The following EFCC1 variants were observed in gnomAD, a reference collection of about 807,000 sequenced individuals.
The protein encoded by EFCC1 is EF-hand and coiled-coil domain containing 1, also known as EF-hand and coiled-coil domain-containing protein 1.
A neutral mutation model predicts 52.1 loss-of-function variants in EFCC1; 50 were observed. The ratio of observed to expected loss-of-function variants is 0.96; its 90% CI spans 0.76 to 1.21. The LOEUF is 1.21. Ranked by LOEUF, EFCC1 falls within the 50% of genes most tolerant of loss-of-function variation. EFCC1 has a pLI of 0.00. For synonymous variants in EFCC1, 399 were observed against 396.5 expected (o/e 1.01, Z -0.08); for missense variants, 837 against 867.3 (o/e 0.97, Z 0.44).
In EFCC1 at chr3:129,025,298, C is replaced by T. The variant is rs141303222; in HGVS notation, c.981-5405C>T. On this transcript the variant is annotated intron_variant, in intron 2 of 7. Transcript: ENST00000683648. ...GGCTCACCGGCATTAGGGGTCGGGA[C>T]GGAGAGGCAAAATGGCGAAGAGTGC... 3.9e-5 allele frequency among the ~76,000 whole-genome samples: 6 copies of T among 152,044 alleles called. No individual in the cohort carries two copies. In the East Asian group the frequency reaches 5.9e-4, roughly 15 times the overall value.
intron 1 of EFCC1, among the ~76,000 whole-genome samples, chr3:129,003,480 G>A (rs751320014): frequency 1.2e-4 from 19 of 152,018 alleles, no homozygotes; most frequent in Non-Finnish European, 2.5e-4. Flanking sequence ...ACAGTAGGCC[G>A]AGAAGAGTCG....
intron 2 of EFCC1, among the ~76,000 whole-genome samples, chr3:129,022,295 A>T (rs1259338286): frequency 6.6e-6 from 1 of 152,226 alleles, no homozygotes; most frequent in Non-Finnish European, 1.5e-5. Flanking sequence ...AATGAAATAG[A>T]GGCTCAGAGA....
At chr3:129,038,632 C>T (rs1217857561) in intron 6 of EFCC1, among the ~76,000 whole-genome samples, 199 bp from the exon 7 acceptor site, 1 of 152,170 alleles carries the variant, frequency 6.6e-6, no homozygotes, top group Non-Finnish European at 1.5e-5. Flanking sequence ...CCCACTGCCC[C>T]ACTCGCCCTC....
intron 3 of EFCC1, 66 bp downstream of exon 3, chr3:129,030,926 C>A (rs1158240825): frequency 6.8e-7 from 1 of 1,470,728 alleles, no homozygotes; most frequent in Non-Finnish European, 9.0e-7. Flanking sequence ...CTCAGCCCTG[C>A]TCTCAAGGGC....
At chr3:129,038,161 A>C (rs1424821371) in intron 6 of EFCC1, among the ~76,000 whole-genome samples, 1 of 152,224 alleles carries the variant, frequency 6.6e-6, no homozygotes, top group Non-Finnish European at 1.5e-5. Context: ...GTGCAGCAAA[A>C]GGAAAGAGAA....
At chr3:129,004,212 C>G in intron 2 of EFCC1, 135 bp downstream of exon 2, 1 of 1,152,578 alleles carries the variant, frequency 8.7e-7, no homozygotes, top group Non-Finnish European at 1.1e-6. Context: ...TGTATTCTTT[C>G]ATTCCTTTGT....
chr3:129,037,515 A>G (rs928955575), intron 6 of EFCC1, among the ~76,000 whole-genome samples: 3 of 152,240 alleles, frequency 2.0e-5, no homozygotes, highest in African/African-American at 7.2e-5. Flanking sequence ...CTTATCCTAC[A>G]AATTCAAGGA....
In EFCC1 at chr3:129,032,913, G is replaced by T. The variant is rs757426727; in HGVS notation, c.1233G>T (p.Thr411=). 1.9e-6 allele frequency: 3 copies of T among 1,551,000 alleles called. No homozygotes were observed. The highest frequency in any genetic ancestry group is 2.6e-6 in the Non-Finnish European group (3 of 1,146,826). ...AGAGGTGGCAGGAGGAGAAGAAGAC[G>T]CCGGCAGCCGAGGCCAAGACACTGC... is the stretch of plus-strand genomic sequence containing the variant. ...EEERWQEEKK[T]PAAEAKTLLA... The change falls in exon 4 of 8, where the codon ACG becomes ACT. Residue 411 remains threonine (T), a synonymous_variant. Transcript: ENST00000683648.
At position 129,034,308 on chromosome 3, in the gene EFCC1, C is replaced by G. The variant is rs762085505; in HGVS notation, c.1431C>G (p.Thr477=). Residue 477 remains threonine, a synonymous_variant, in exon 5 of 8, where the codon ACC becomes ACG. Transcript: ENST00000683648. ...QLRTQGCGGR[T]LGTSEEEAEL... ...GGACTCAGGGCTGCGGTGGGAGGAC[C>G]CTGGGGACCTCTGAGGAGGAGGTCA... 3 of 1,613,802 alleles carry G rather than the reference C, an allele frequency of 1.9e-6. No homozygotes were observed. In the African/African-American group the frequency reaches 4.0e-5, roughly 22 times the overall value.
At chr3:129,026,814 A>G (rs921089206) in intron 2 of EFCC1, among the ~76,000 whole-genome samples, 1 of 152,178 alleles carries the variant, frequency 6.6e-6, no homozygotes, top group Non-Finnish European at 1.5e-5. Flanking sequence ...CATTGAAGCA[A>G]GAATCCCCAC....
intron 6 of EFCC1, among the ~76,000 whole-genome samples, chr3:129,038,139 A>T (rs1946379820): frequency 6.6e-6 from 1 of 152,212 alleles, no homozygotes; most frequent in Non-Finnish European, 1.5e-5. Flanking sequence ...TGTGAAGCAG[A>T]GGTTCCATCC....
chr3:129,030,732 A>G lies in EFCC1; in HGVS notation c.1010A>G (p.Gln337Arg). The G allele has an allele frequency of 6.4e-7, 1 of 1,551,576 alleles. No individual in the cohort carries two copies. Among genetic ancestry groups the G allele is most frequent in the East Asian group, 2.4e-5 (1 of 40,912 alleles). ...GAGGATTCCCAGCTCCCAACCCCGC[A>G]GCTAGCCAACCCAGAGCCAGGAGAC... ...RSEDSQLPTPQLANPEPGDKS... is the reference protein window; with the variant it reads ...RSEDSQLPTPRLANPEPGDKS... Residue 337 changes from glutamine to arginine, a missense_variant, in exon 3 of 8, where the codon CAG becomes CGG. Physicochemically the swap from Gln to Arg is conservative, Grantham distance 43. Transcript: ENST00000683648.
chr3:129,001,733 G>A lies in EFCC1; in HGVS notation c.105G>A (p.Ala35=). 6.5e-7 allele frequency: 1 copy of A among 1,527,420 alleles called. No individual in the cohort carries two copies. The highest frequency in any genetic ancestry group is 1.2e-5 in the South Asian group (1 of 82,072). The allele number at this position is 1,527,420 out of a possible 1,614,324, so 94.6% of individuals were successfully genotyped here. Residue 35 remains alanine, a synonymous_variant, in exon 1 of 8, where the codon GCG becomes GCA. Transcript: ENST00000683648. ...CGCAGTGGCTGCTGAGCGCCCTGGCGCACCACTACGGGCTGGACCGCGGCG... is the reference window on the plus strand; with the variant it reads ...CGCAGTGGCTGCTGAGCGCCCTGGCACACCACTACGGGCTGGACCGCGGCG... The part of the protein sequence containing the change: ...RRTQWLLSAL[A]HHYGLDRGVE...
intron 2 of EFCC1, 112 bp downstream of exon 2, chr3:129,004,189 A>G: frequency 8.0e-7 from 1 of 1,244,552 alleles, no homozygotes; most frequent in Non-Finnish European, 1.0e-6. Context: ...CAGTTTCTCC[A>G]TGCGTTTATT....
chr3:129,039,282 G>A (rs2107943733), intron 7 of EFCC1, among the ~76,000 whole-genome samples: 1 of 152,336 alleles, frequency 6.6e-6, no homozygotes, highest in East Asian at 1.9e-4. Context: ...CCGAGGCTGG[G>A]GCATCTCCCT....
intron 2 of EFCC1, among the ~76,000 whole-genome samples, chr3:129,006,901 G>A (rs538504969): frequency 5.9e-5 from 9 of 152,192 alleles, no homozygotes; most frequent in Non-Finnish European, 1.3e-4. Flanking sequence ...TGAAAAGAAG[G>A]AAAAGGAGAG....
chr3:129,018,183 G>A (rs2107903374), intron 2 of EFCC1, among the ~76,000 whole-genome samples: 1 of 152,286 alleles, frequency 6.6e-6, no homozygotes. Context: ...GAGTAAAGAT[G>A]AGACCTCAGT....
rs191306967 is a variant in EFCC1 at position 129,003,278 on chromosome 3, T to G, written c.697-516T>G. ...TGCGCCTGAACGGTCTTCCGGCATC[T>G]CTCATGCTTGGTATTTATTGAGCAC... is the stretch of plus-strand genomic sequence containing the variant. On this transcript the variant is annotated intron_variant, in intron 1 of 7. Coordinates refer to ENST00000683648, the MANE Select transcript of EFCC1 (RefSeq NM_001377500.1). 114 of 985,418 alleles carry G rather than the reference T, an allele frequency of 1.2e-4. No homozygotes were observed. In the African/African-American group the frequency reaches 1.7e-3, roughly 15 times the overall value. The allele number at this position is 985,418 out of a possible 1,614,324, so 61.0% of individuals were successfully genotyped here.
At chr3:129,038,177 A>G (rs1342041766) in intron 6 of EFCC1, among the ~76,000 whole-genome samples, 1 of 152,238 alleles carries the variant, frequency 6.6e-6, no homozygotes, top group African/African-American at 2.4e-5. Flanking sequence ...GAGAAAGGCT[A>G]TAAGGACTAG....
Sources: gnomAD v4.1 joint callset for allele counts (sites outside exome capture counted in the v4.1 genomes callset) on GRCh38, gnomAD v4.1.1 for gene constraint, MANE v1.5 for transcripts, NCBI Gene and HGNC (gene_info 2026-07-23, HGNC 2026-07-21) for gene names.